Variants in SYTL3 observed in about 807,000 individuals in gnomAD.
The protein encoded by SYTL3 is synaptotagmin like 3, also known as synaptotagmin-like protein 3.
In SYTL3, 88 loss-of-function variants were observed where a neutral mutation model predicts 82.1. The observed-to-expected ratio is 1.07, with a 90% CI of 0.90 to 1.28. The LOEUF (loss-of-function observed/expected upper bound fraction) is 1.28, where lower values mean the gene tolerates loss of function less well. SYTL3 is among the 50% of genes most tolerant of loss of function. The pLI, the probability that SYTL3 is intolerant of heterozygous loss-of-function variation, is 0.00. For synonymous variants in SYTL3, 311 were observed against 289.4 expected, an observed-to-expected ratio of 1.07 and a Z score of -0.76; for missense variants, 831 against 757.6, an observed-to-expected ratio of 1.10 and a Z score of -1.14.
At position 158,665,431 on chromosome 6, in the gene SYTL3, A is replaced by T. The variant is rs760720336; in HGVS notation, c.147A>T (p.Lys49Asn). ...LKTHLQHLRW[K>N]GAKNTDWEHK... ...CACACCTGCAGCATCTCCGGTGGAA[A>T]GGAGCGAAGAACACGGACTGGGAGC... Residue 49 changes from lysine (K) to asparagine (N), a missense_variant, in exon 5 of 18, where the codon AAA becomes AAT. Transcript: ENST00000611299. 2 of 1,606,514 alleles carry T rather than the reference A, an allele frequency of 1.2e-6. No individual in the cohort carries two copies. The highest frequency in any genetic ancestry group is 1.7e-6 in the Non-Finnish European group (2 of 1,176,504).
intron 5 of SYTL3, among the ~76,000 whole-genome samples, chr6:158,674,119 A>G (rs59112287): frequency 0.034 from 4,753 of 141,246 alleles, 108 homozygotes; most frequent in African/African-American, 0.055. Flanking sequence ...TAATAATAAT[A>G]ATGATGATGA....
chr6:158,745,495 A>G lies in SYTL3; in HGVS notation c.871A>G (p.Ile291Val), dbSNP rs1787509756. The stretch of plus-strand genomic sequence containing the variant: ...TTGATTTCAGGGAAGTTTAATTAGC[A>G]TTGACAGCACCTGTACAGAGATGGG... ...GGFRHGSLISIDSTCTEMGNF... is the reference protein window; with the variant it reads ...GGFRHGSLISVDSTCTEMGNF... The change falls in exon 12 of 18, where the codon ATT (isoleucine) becomes GTT (valine). Residue 291 changes from isoleucine (I) to valine (V), a missense_variant. Transcript: ENST00000611299. 3.7e-6 allele frequency: 6 copies of G among 1,608,906 alleles called. No homozygotes were observed. The highest frequency in any genetic ancestry group is 5.1e-6 in the Non-Finnish European group (6 of 1,178,862).
At chr6:158,674,473 C>T (rs954319855) in intron 5 of SYTL3, among the ~76,000 whole-genome samples, 2 of 152,194 alleles carry the variant, frequency 1.3e-5, no homozygotes, top group Admixed American at 6.5e-5. Flanking sequence ...GTCTTCTGGA[C>T]TCCATGTACC....
At chr6:158,728,437 C>G (rs1029290033) in intron 11 of SYTL3, among the ~76,000 whole-genome samples, 1 of 151,632 alleles carries the variant, frequency 6.6e-6, no homozygotes, top group East Asian at 1.9e-4. Flanking sequence ...TCCTTATGGA[C>G]TCTCTGTTCT....
intron 5 of SYTL3, among the ~76,000 whole-genome samples, chr6:158,671,700 G>A (rs1583179615): frequency 1.3e-5 from 2 of 150,684 alleles, no homozygotes; most frequent in East Asian, 1.9e-4. Context: ...CCTGGGAGGC[G>A]GAGGTTGCAG....
chr6:158,741,616 G>A (rs1786937285), intron 11 of SYTL3, among the ~76,000 whole-genome samples: 1 of 152,208 alleles, frequency 6.6e-6, no homozygotes, highest in Non-Finnish European at 1.5e-5. Flanking sequence ...GCTTTGGGAA[G>A]TGCTTTGGAG....
chr6:158,694,616 C>A (rs1780368480), intron 6 of SYTL3, among the ~76,000 whole-genome samples: 1 of 152,158 alleles, frequency 6.6e-6, no homozygotes, highest in African/African-American at 2.4e-5. Context: ...TTTTTGATTT[C>A]ATGATGCCTT....
chr6:158,714,985 T>C (rs1030919430), intron 9 of SYTL3, among the ~76,000 whole-genome samples: 2 of 152,222 alleles, frequency 1.3e-5, no homozygotes, highest in African/African-American at 4.8e-5. Context: ...CTGAATTTCA[T>C]GGGCCTGTTT....
rs1583501554 is a variant in SYTL3 at position 158,757,375 on chromosome 6, G to A, written c.1302G>A (p.Arg434=). 1.2e-6 allele frequency: 2 copies of A among 1,613,784 alleles called. No individual in the cohort carries two copies. Among genetic ancestry groups the A allele is most frequent in the African/African-American group, 1.3e-5 (1 of 74,912 alleles). The change falls in exon 14 of 18, where the codon CGG becomes CGA. Residue 434 remains arginine, a synonymous_variant. Coordinates refer to ENST00000611299, the MANE Select transcript of SYTL3 (RefSeq NM_001242394.2). The stretch of plus-strand genomic sequence containing the variant: ...AGTCCTTCCGCTGGCATCCGCTCCG[G>A]GCCAAGGTGATGTCTGGTTTTGGAC... ...TTQSFRWHPL[R]AKAEKYEDSV...
intron 11 of SYTL3, among the ~76,000 whole-genome samples, chr6:158,730,572 G>T (rs758453365): frequency 1.3e-5 from 2 of 152,136 alleles, no homozygotes; most frequent in Non-Finnish European, 2.9e-5. Flanking sequence ...TGGCCTCTGG[G>T]GTAAGGAATC....
Position 158,762,179 on chromosome 6 carries a change from G to A in SYTL3, c.1517+1G>A, listed in dbSNP as rs747937801. On this transcript the variant is annotated splice_donor_variant, in intron 16 of 17. Coordinates refer to ENST00000611299, the MANE Select transcript of SYTL3 (RefSeq NM_001242394.2). LOFTEE classifies it high-confidence loss of function. ...GCACCTTGAACTCATTTGTTAAGGG[G>A]TAGGTATTCGATGTAATCAAATATT... 4 of 1,607,466 alleles carry A rather than the reference G, an allele frequency of 2.5e-6. No individual in the cohort carries two copies. Among genetic ancestry groups the A allele is most frequent in the Non-Finnish European group, 3.4e-6 (4 of 1,174,310 alleles).
At chr6:158,721,699 C>T (rs921231797) in intron 10 of SYTL3, among the ~76,000 whole-genome samples, 2 of 152,176 alleles carry the variant, frequency 1.3e-5, no homozygotes, top group African/African-American at 4.8e-5. Context: ...ATGGCACAAT[C>T]TTGGCTCACT....
intron 11 of SYTL3, chr6:158,726,254 G>C: frequency 2.3e-6 from 1 of 442,804 alleles, no homozygotes; most frequent in Non-Finnish European, 4.4e-6. Flanking sequence ...CAAAATTTCA[G>C]GAGTCTCTTG....
intron 5 of SYTL3, among the ~76,000 whole-genome samples, chr6:158,679,000 C>A (rs929593552): frequency 1.3e-5 from 2 of 152,096 alleles, no homozygotes; most frequent in Non-Finnish European, 2.9e-5. Flanking sequence ...CTGTGTTGGC[C>A]CTAACATGGA....
chr6:158,749,329 G>C (rs1788063454), intron 12 of SYTL3, among the ~76,000 whole-genome samples: 1 of 134,666 alleles, frequency 7.4e-6, no homozygotes, highest in Non-Finnish European at 1.6e-5. Flanking sequence ...GGAGGGCTGT[G>C]ATTGTGAGCT....
intron 13 of SYTL3, among the ~76,000 whole-genome samples, chr6:158,756,718 AATT>A (rs1370761135): frequency 1.3e-3 from 61 of 47,390 alleles, no homozygotes; most frequent in African/African-American, 3.8e-3. Flanking sequence ...CTCAAAAAAA[AATT>A]TTTTTTTTTT....
intron 2 of SYTL3, among the ~76,000 whole-genome samples, chr6:158,655,030 T>A (rs1788510683): frequency 6.6e-6 from 1 of 152,126 alleles, no homozygotes; most frequent in South Asian, 2.1e-4. Context: ...ACTCAGTGCT[T>A]GGGACATCAT....
chr6:158,678,415 T>G (rs1252899746), intron 5 of SYTL3, among the ~76,000 whole-genome samples: 1 of 152,164 alleles, frequency 6.6e-6, no homozygotes, highest in East Asian at 1.9e-4. Context: ...ATGCAGTAGC[T>G]TAGCCACCTG....
At chr6:158,693,857 T>TTTCTTTTCTTTC (rs1202706791) in intron 6 of SYTL3, among the ~76,000 whole-genome samples, 21 of 122,106 alleles carry the variant, frequency 1.7e-4, no homozygotes, top group African/African-American at 7.1e-4. Context: ...TTTCTTTTCT[T>TTTCTTTTCTTTC]TTTTTTTTTT....
Sources: allele counts gnomAD v4.1 joint callset (sites outside exome capture counted in the v4.1 genomes callset), GRCh38; gene constraint gnomAD v4.1.1; transcripts MANE v1.5; gene names NCBI Gene and HGNC (gene_info 2026-07-23, HGNC 2026-07-21).